The following HAUS8 variants were observed in gnomAD, a reference collection of about 807,000 sequenced individuals.
The protein encoded by HAUS8 is HAUS augmin like complex subunit 8, also known as HAUS augmin-like complex subunit 8.
HAUS8 carries 38 observed loss-of-function variants against 42.9 expected under a neutral mutation model. That is an observed-to-expected ratio of 0.89 (90% CI 0.68 to 1.16). The LOEUF (loss-of-function observed/expected upper bound fraction) is 1.16. HAUS8 is among the 50% of genes most tolerant of loss of function. The pLI is 0.00. For synonymous variants in HAUS8, 199 were observed against 205.8 expected (o/e 0.97, Z 0.28); for missense variants, 494 against 511.6 (o/e 0.97, Z 0.33).
intron 1 of HAUS8, 68 bp from the exon 2 acceptor site, chr19:17,073,403 G>A (rs966131537): frequency 3.8e-5 from 54 of 1,437,324 alleles, no homozygotes; most frequent in Non-Finnish European, 5.1e-5. Flanking sequence ...CCGGCGAGGT[G>A]CCTCTGCTAG....
intron 2 of HAUS8, among the ~76,000 whole-genome samples, chr19:17,072,339 T>C (rs1049779805): frequency 3.5e-5 from 1 of 28,332 alleles, no homozygotes; most frequent in African/African-American, 3.2e-4. Context: ...GAGCATTTCC[T>C]TTTTTTTTTT....
Position 17,055,991 on chromosome 19 carries a change from G to C in HAUS8, c.657C>G (p.Leu219=). 6.2e-7 allele frequency: 1 copy of C among 1,614,070 alleles called. No homozygotes were observed. Among genetic ancestry groups the C allele is most frequent in the South Asian group, 1.1e-5 (1 of 91,082 alleles). The change falls in exon 9 of 11, where the codon CTC becomes CTG. Residue 219 remains leucine (L), a synonymous_variant. Transcript: ENST00000253669. ...ADVLDAQIEM[L]SPFEAVATRF... ...GTGTGGCCACTGCCTCGAAGGGGCTGAGCATCTCGATCTGTAAGCAGAAGG... is the reference window on the plus strand; with the variant it reads ...GTGTGGCCACTGCCTCGAAGGGGCTCAGCATCTCGATCTGTAAGCAGAAGG...
intron 9 of HAUS8, chr19:17,053,662 TTC>T (rs2057302056): frequency 6.6e-6 from 1 of 150,510 alleles, no homozygotes; most frequent in African/African-American, 2.4e-5. Context: ...ATTTCTTTTT[TTC>T]TTTTTTTTTT....
chr19:17,049,972 G>T lies in HAUS8; in HGVS notation c.1134C>A (p.Pro378=), dbSNP rs1021528393. The change falls in exon 11 of 11, where the codon CCC becomes CCA. Residue 378 remains proline, a synonymous_variant. Transcript: ENST00000253669. ...TTGGGCTGATGAACGTGGCCTGAGC[G>T]GGGGCTGACGAGGCACCCGGGTTGT... The part of the protein sequence containing the change: ...EDDNPGASSA[P]AQATFISPSE... The T allele has an allele frequency of 3.8e-6, 6 of 1,599,444 alleles. No individual in the cohort carries two copies. In the East Asian group the frequency reaches 9.1e-5, roughly 24 times the overall value.
intron 10 of HAUS8, among the ~76,000 whole-genome samples, chr19:17,050,845 G>C (rs914000801): frequency 1.3e-5 from 2 of 151,942 alleles, no homozygotes; most frequent in Non-Finnish European, 2.9e-5. Context: ...ATAGTGAGCC[G>C]AGGATCGCGC....
chr19:17,051,370 G>C, intron 10 of HAUS8, among the ~76,000 whole-genome samples: 1 of 123,308 alleles, frequency 8.1e-6, no homozygotes, highest in Non-Finnish European at 1.6e-5. Flanking sequence ...CGCGTGGTTA[G>C]AAATCTCCTG....
At chr19:17,061,498 T>G (rs981025927) in intron 4 of HAUS8, among the ~76,000 whole-genome samples, 1 of 152,198 alleles carries the variant, frequency 6.6e-6, no homozygotes, top group East Asian at 1.9e-4. Flanking sequence ...TCAGCATGTA[T>G]AGCATTTGCA....
At chr19:17,051,172 G>A (rs940518457) in intron 10 of HAUS8, among the ~76,000 whole-genome samples, 4 of 152,114 alleles carry the variant, frequency 2.6e-5, no homozygotes, top group African/African-American at 9.7e-5. Context: ...CTGGGAGTGG[G>A]ACTGTGGCTT....
chr19:17,073,591 C>T, intron 1 of HAUS8: 1 of 520,284 alleles, frequency 1.9e-6, no homozygotes, highest in South Asian at 2.2e-5. Flanking sequence ...TGGAAGAGAT[C>T]ACAGCAGATC....
intron 9 of HAUS8, 104 bp downstream of exon 9, chr19:17,055,757 G>T: frequency 7.8e-7 from 1 of 1,276,768 alleles, no homozygotes; most frequent in Non-Finnish European, 1.1e-6. Context: ...TGCCTTAGTT[G>T]GGGAAGAGGG....
Position 17,058,834 on chromosome 19 carries a change from G to C in HAUS8, c.463C>G (p.Leu155Val). The stretch of plus-strand genomic sequence containing the variant: ...ACCTTTACGGATAGTAGCGTCAGCA[G>C]TAGTGTCTGAGACTCCATCATTTCC... ...AMEMMESQTLLLTLLSVKMEN... is the reference protein window; with the variant it reads ...AMEMMESQTLVLTLLSVKMEN... Residue 155 changes from leucine (L) to valine (V), a missense_variant, in exon 7 of 11, where the codon CTG becomes GTG. Coordinates refer to ENST00000253669, the MANE Select transcript of HAUS8 (RefSeq NM_033417.2). The C allele has an allele frequency of 6.2e-7, 1 of 1,613,562 alleles. No homozygotes were observed. Among genetic ancestry groups the C allele is most frequent in the Non-Finnish European group, 8.5e-7 (1 of 1,179,796 alleles).
Position 17,059,553 on chromosome 19 carries a change from T to C in HAUS8, c.420+4A>G, listed in dbSNP as rs1342094507. ...GTGGCTGCCCTCTTCTTTCAGACAC[T>C]TACCGGGCTCTTTTTCCGAGGGGCA... is the stretch of plus-strand genomic sequence containing the variant. On this transcript the variant is annotated splice_donor_region_variant and intron_variant, in intron 6 of 10. Transcript: ENST00000253669. The C allele has an allele frequency of 6.2e-6, 10 of 1,607,802 alleles. No individual in the cohort carries two copies. Among genetic ancestry groups the C allele is most frequent in the African/African-American group, 1.3e-5 (1 of 74,718 alleles).
intron 4 of HAUS8, among the ~76,000 whole-genome samples, chr19:17,061,919 G>A (rs1393130086): frequency 6.6e-6 from 1 of 152,224 alleles, no homozygotes; most frequent in Non-Finnish European, 1.5e-5. Flanking sequence ...TGGCTCTAGT[G>A]TGCCTGCTTC....
chr19:17,049,940 T>C lies in HAUS8; in HGVS notation c.1166A>G (p.Asp389Gly), dbSNP rs367836157. 10 of 1,545,156 alleles carry C rather than the reference T, an allele frequency of 6.5e-6. No homozygotes were observed. The East Asian group carries it at 9.3e-5, about 14-fold the overall frequency. The change falls in exon 11 of 11, where the codon GAT becomes GGT. Residue 389 changes from aspartate to glycine, a missense_variant. Asp to Gly is a moderately conservative substitution (Grantham distance 94). Transcript: ENST00000253669. ...TTCTGCCTGGCTGCTTGAAGAAAAA[T>C]CTTCGCTTGGGCTGATGAACGTGGC... is the stretch of plus-strand genomic sequence containing the variant. ...AQATFISPSE[D>G]FSSSSQAEVP...
At chr19:17,070,080 C>T (rs1370076353) in intron 2 of HAUS8, among the ~76,000 whole-genome samples, 1 of 152,100 alleles carries the variant, frequency 6.6e-6, no homozygotes, top group East Asian at 1.9e-4. Context: ...CTCCTACCTG[C>T]ACTCTCTGCC....
Position 17,073,353 on chromosome 19 carries a change from G to GA in HAUS8, c.30-19dup, listed in dbSNP as rs1342230735. On this transcript the variant is annotated intron_variant, in intron 1 of 10. Coordinates refer to ENST00000253669, the MANE Select transcript of HAUS8 (RefSeq NM_033417.2). ...CAGGCTTCCTGCAAGAGAAGAGAGA[G>GA]AGGTCTTGTTCACCTCACTACCCAA... is the stretch of plus-strand genomic sequence containing the variant. 6 of 1,613,112 alleles carry GA rather than the reference G, an allele frequency of 3.7e-6. No homozygotes were observed. The highest frequency in any genetic ancestry group is 5.1e-6 in the Non-Finnish European group (6 of 1,179,300).
chr19:17,071,120 G>A (rs1050112823), intron 2 of HAUS8, among the ~76,000 whole-genome samples: 2 of 151,982 alleles, frequency 1.3e-5, no homozygotes, highest in African/African-American at 4.8e-5. Flanking sequence ...GAGCTCAGAG[G>A]TTTGCCTTTG....
intron 10 of HAUS8, 143 bp downstream of exon 10, chr19:17,052,682 C>G (rs888694456): frequency 1.3e-6 from 1 of 790,776 alleles, no homozygotes; most frequent in Non-Finnish European, 2.1e-6. Flanking sequence ...TATCATGCAG[C>G]GTCTGGGAAA....
chr19:17,067,421 G>A (rs1402338994), intron 3 of HAUS8, among the ~76,000 whole-genome samples: 1 of 152,056 alleles, frequency 6.6e-6, no homozygotes, highest in Non-Finnish European at 1.5e-5. Flanking sequence ...AGAGCACAAG[G>A]GGATTTAGGG....
Sources: allele counts gnomAD v4.1 joint callset (sites outside exome capture counted in the v4.1 genomes callset), GRCh38; gene constraint gnomAD v4.1.1; transcripts MANE v1.5; gene names NCBI Gene and HGNC (gene_info 2026-07-23, HGNC 2026-07-21).